The following WWOX variants were observed in gnomAD, a reference collection of about 807,000 sequenced individuals.
The protein encoded by WWOX is WW domain-containing oxidoreductase.
WWOX carries 69 observed loss-of-function variants against 46.2 expected under a neutral mutation model. The ratio of observed to expected loss-of-function variants is 1.49; its 90% CI spans 1.23 to 1.82. WWOX has a LOEUF of 1.82. WWOX is among the 40% of genes most tolerant of loss of function. WWOX has a pLI of 0.00. For missense variants in WWOX, 919 were observed against 542.6 expected (o/e 1.69, Z -6.89); for synonymous variants, 359 against 202.6 (o/e 1.77, Z -6.56).
intron 8 of WWOX, among the ~76,000 whole-genome samples, chr16:78,729,516 C>T (rs1201526892): frequency 6.6e-6 from 1 of 151,954 alleles, no homozygotes; most frequent in East Asian, 1.9e-4. Context: ...GGAGTCCATG[C>T]AAAGATAAAG....
intron 6 of WWOX, among the ~76,000 whole-genome samples, chr16:78,388,331 G>T (rs748088309): frequency 3.9e-5 from 6 of 152,104 alleles, no homozygotes; most frequent in African/African-American, 1.4e-4. Flanking sequence ...GCGCCCAGCC[G>T]CTCTACTTTA....
At chr16:78,736,224 A>C (rs370067501) in intron 8 of WWOX, among the ~76,000 whole-genome samples, 1 of 152,070 alleles carries the variant, frequency 6.6e-6, no homozygotes, top group African/African-American at 2.4e-5. Flanking sequence ...TCACACCTCA[A>C]ACTTGACCCG....
At chr16:78,430,769 G>A (rs2083198723) in intron 7 of WWOX, among the ~76,000 whole-genome samples, 1 of 152,132 alleles carries the variant, frequency 6.6e-6, no homozygotes, top group Non-Finnish European at 1.5e-5. Context: ...GATGACTTTA[G>A]AGCAGCTATG....
chr16:79,136,043 C>A (rs1463707826), intron 8 of WWOX, among the ~76,000 whole-genome samples: 1 of 152,118 alleles, frequency 6.6e-6, no homozygotes. Flanking sequence ...GCAATTTTAA[C>A]TTTCTATATT....
intron 8 of WWOX, among the ~76,000 whole-genome samples, chr16:79,022,338 C>G (rs1006026357): frequency 1.9e-5 from 2 of 106,712 alleles, no homozygotes; most frequent in Admixed American, 1.2e-4. Context: ...CTCCAGCAAT[C>G]TGTGGCAAAA....
At chr16:79,004,295 G>T (rs945866811) in intron 8 of WWOX, 1 of 152,206 alleles carries the variant, frequency 6.6e-6, no homozygotes, top group African/African-American at 2.4e-5. Context: ...CGCATGGCGA[G>T]CCAGTACCCG....
At chr16:78,657,762 A>C (rs2047114584) in intron 8 of WWOX, among the ~76,000 whole-genome samples, 1 of 152,212 alleles carries the variant, frequency 6.6e-6, no homozygotes, top group Non-Finnish European at 1.5e-5. Flanking sequence ...CTCTTGGGCC[A>C]AGCTTGACTC....
At chr16:78,508,134 T>C (rs897259230) in intron 8 of WWOX, among the ~76,000 whole-genome samples, 10 of 151,740 alleles carry the variant, frequency 6.6e-5, no homozygotes, top group African/African-American at 2.4e-4. Context: ...TCAATCTCCC[T>C]AGTAGTTGAG....
At chr16:78,207,116 A>G (rs2036420087) in intron 5 of WWOX, among the ~76,000 whole-genome samples, 1 of 152,178 alleles carries the variant, frequency 6.6e-6, no homozygotes, top group South Asian at 2.1e-4. Context: ...GGTAATACCT[A>G]TTGCTCATTT....
At chr16:79,043,698 C>A (rs1221199223) in intron 8 of WWOX, among the ~76,000 whole-genome samples, 2 of 152,188 alleles carry the variant, frequency 1.3e-5, no homozygotes, top group African/African-American at 4.8e-5. Context: ...CCAGTATAGA[C>A]TGGGCAGAGG....
At chr16:78,569,994 G>T (rs990593363) in intron 8 of WWOX, among the ~76,000 whole-genome samples, 5 of 152,210 alleles carry the variant, frequency 3.3e-5, no homozygotes, top group Non-Finnish European at 5.9e-5. Flanking sequence ...AGAGCTTGCA[G>T]TGGGATGGTT....
At chr16:78,279,657 C>T (rs1037554930) in intron 5 of WWOX, among the ~76,000 whole-genome samples, 3 of 152,092 alleles carry the variant, frequency 2.0e-5, no homozygotes, top group Non-Finnish European at 4.4e-5. Context: ...ATGCCCCATG[C>T]CAGGAGAATG....
At chr16:78,974,573 C>G (rs1269602006) in intron 8 of WWOX, among the ~76,000 whole-genome samples, 1 of 152,164 alleles carries the variant, frequency 6.6e-6, no homozygotes, top group Admixed American at 6.5e-5. Flanking sequence ...GTGCAATGTG[C>G]AGGGAATTAT....
At chr16:79,000,464 TG>T (rs1373173590) in intron 8 of WWOX, among the ~76,000 whole-genome samples, 4 of 152,042 alleles carry the variant, frequency 2.6e-5, no homozygotes, top group Non-Finnish European at 5.9e-5. Flanking sequence ...GAATCAGAGA[TG>T]GGGAAAAGAG....
At chr16:78,192,522 A>T (rs1011355751) in intron 5 of WWOX, among the ~76,000 whole-genome samples, 1 of 151,908 alleles carries the variant, frequency 6.6e-6, no homozygotes, top group Non-Finnish European at 1.5e-5. Flanking sequence ...GAAAGAAAAC[A>T]AAAACAAATA....
At chr16:78,372,887 G>C (rs1370643741) in intron 5 of WWOX, among the ~76,000 whole-genome samples, 1 of 152,060 alleles carries the variant, frequency 6.6e-6, no homozygotes, top group Non-Finnish European at 1.5e-5. Context: ...GCTACTATGA[G>C]GCTATTTGGA....
chr16:78,844,176 C>T (rs558642603), intron 8 of WWOX, among the ~76,000 whole-genome samples: 3 of 152,208 alleles, frequency 2.0e-5, no homozygotes, highest in South Asian at 4.2e-4. Context: ...GTAAGTGATT[C>T]CCCACCTCCA....
intron 8 of WWOX, among the ~76,000 whole-genome samples, chr16:78,658,485 T>A (rs1376308346): frequency 1.3e-5 from 2 of 152,280 alleles, no homozygotes; most frequent in East Asian, 1.9e-4. Flanking sequence ...ATTTATTCTC[T>A]CACAGTTTTG....
intron 8 of WWOX, among the ~76,000 whole-genome samples, chr16:78,883,852 A>G (rs1006625420): frequency 2.0e-5 from 3 of 152,210 alleles, no homozygotes; most frequent in Non-Finnish European, 4.4e-5. Context: ...TTCCTGTAAT[A>G]CTAATATTCT....
Sources: allele counts gnomAD v4.1 joint callset (sites outside exome capture counted in the v4.1 genomes callset), GRCh38; gene constraint gnomAD v4.1.1; transcripts MANE v1.5; gene names NCBI Gene and HGNC (gene_info 2026-07-23, HGNC 2026-07-21).